TTC8: variants seen among roughly 807,000 people sequenced by gnomAD.
TTC8 encodes the protein tetratricopeptide repeat domain 8.
A neutral mutation model predicts 72.5 loss-of-function variants in TTC8; 47 were observed. The ratio of observed to expected loss-of-function variants is 0.65; its 90% CI spans 0.51 to 0.83. The LOEUF (loss-of-function observed/expected upper bound fraction) is 0.83, where lower values mean the gene tolerates loss of function less well. TTC8 is among the 40% of genes least tolerant of loss of function. The pLI is 0.00. For synonymous variants in TTC8, 199 were observed against 221.4 expected, an observed-to-expected ratio of 0.90 and a Z score of 0.90; for missense variants, 611 against 623.2, an observed-to-expected ratio of 0.98 and a Z score of 0.21.
rs1304915093 is a variant in TTC8, at chr14:88,872,362, C to T, written c.1257C>T (p.Cys419=). 1.2e-6 allele frequency: 2 copies of T among 1,613,850 alleles called. No individual in the cohort carries two copies. The highest frequency in any genetic ancestry group is 1.7e-6 in the Non-Finnish European group (2 of 1,179,924). Reference sequence around the variant, plus strand: ...GAGATACAAATTTGGCCCATCAGTGCTTCAGGCTGGCTCTGGTCAACAACA... The same window carrying T: ...GAGATACAAATTTGGCCCATCAGTGTTTCAGGCTGGCTCTGGTCAACAACA... ...GIGDTNLAHQ[C]FRLALVNNNN... is the part of the protein sequence containing the mutation. The change falls in exon 13 of 15, where the codon TGC becomes TGT. Residue 419 remains cysteine (C), a synonymous_variant. Transcript: ENST00000380656.
At chr14:88,859,782 C>T (rs535554193) in intron 9 of TTC8, among the ~76,000 whole-genome samples, 102 of 125,898 alleles carry the variant, frequency 8.1e-4, no homozygotes, top group Non-Finnish European at 1.5e-3. Context: ...ATATGAAATT[C>T]AATATATATT....
chr14:88,862,581 TATATATATATATATA>T (rs1320663606), intron 10 of TTC8, among the ~76,000 whole-genome samples: 1 of 74,748 alleles, frequency 1.3e-5, no homozygotes. Flanking sequence ...TATATATATA[TATATATATATATATA>T]TTTAGAGATG....
intron 11 of TTC8, 72 bp downstream of exon 11, chr14:88,870,270 G>T (rs1203769199): frequency 6.6e-7 from 1 of 1,525,154 alleles, no homozygotes; most frequent in Non-Finnish European, 9.1e-7. Flanking sequence ...AAGATGGAAT[G>T]AAAGTATAGA....
intron 10 of TTC8, among the ~76,000 whole-genome samples, chr14:88,866,414 C>CAT (rs60586870): frequency 1.3e-5 from 2 of 150,716 alleles, no homozygotes; most frequent in Non-Finnish European, 2.9e-5. Context: ...CACACACACA[C>CAT]GCACACACAA....
In TTC8 at chr14:88,871,740, A is replaced by T; in HGVS notation, c.1224+17A>T. ...GTAGCTGTGGTATGTTGTCTTACTGATATAATTTCTGTTATAGAAAGTTGG... is the reference window on the plus strand; with the variant it reads ...GTAGCTGTGGTATGTTGTCTTACTGTTATAATTTCTGTTATAGAAAGTTGG... On this transcript the variant is annotated intron_variant, in intron 12 of 14. Transcript: ENST00000380656. This position sits in a 1 kb window ranked among gnomAD's most constrained non-coding sequence, Gnocchi z 4.1. 1.2e-6 allele frequency: 2 copies of T among 1,613,940 alleles called. No individual in the cohort carries two copies. The highest frequency in any genetic ancestry group is 1.7e-6 in the Non-Finnish European group (2 of 1,179,884).
At chr14:88,831,531 G>A (rs896956238) in intron 1 of TTC8, among the ~76,000 whole-genome samples, 11 of 152,294 alleles carry the variant, frequency 7.2e-5, no homozygotes, top group African/African-American at 2.6e-4. Flanking sequence ...CCTGGGCTAA[G>A]CCCCAATTTT....
rs758744079 is a variant in TTC8 at position 88,824,688 on chromosome 14, C to T, written c.-20C>T. ...CCTCTCTCCTGGAGCGCTGGGCCTT[C>T]GCTGGCCGCACCGGCAGCCATGAGC... On this transcript the variant is annotated 5_prime_UTR_variant, in exon 1 of 15. Transcript: ENST00000380656. The T allele has an allele frequency of 6.3e-7, 1 of 1,579,320 alleles. No homozygotes were observed. Among genetic ancestry groups the T allele is most frequent in the Non-Finnish European group, 8.6e-7 (1 of 1,160,544 alleles).
At chr14:88,836,515 A>G (rs989431876) in intron 2 of TTC8, among the ~76,000 whole-genome samples, 1 of 150,266 alleles carries the variant, frequency 6.7e-6, no homozygotes, top group African/African-American at 2.5e-5. Context: ...AAAAGTTCCT[A>G]TTTGACTTTG....
chr14:88,874,639 A>G (rs1157572853), intron 13 of TTC8, among the ~76,000 whole-genome samples: 3 of 152,148 alleles, frequency 2.0e-5, no homozygotes, highest in Non-Finnish European at 4.4e-5. Flanking sequence ...CTGCTTAGTC[A>G]ATCAACAGCA....
chr14:88,856,441 C>T (rs2094856524), intron 8 of TTC8, among the ~76,000 whole-genome samples: 1 of 152,106 alleles, frequency 6.6e-6, no homozygotes, highest in Non-Finnish European at 1.5e-5. Flanking sequence ...CTGAGTAGCT[C>T]TCAGATAGCT....
intron 13 of TTC8, among the ~76,000 whole-genome samples, chr14:88,874,638 C>G (rs1445545190): frequency 6.6e-6 from 1 of 152,018 alleles, no homozygotes; most frequent in Non-Finnish European, 1.5e-5. Context: ...CCTGCTTAGT[C>G]AATCAACAGC....
chr14:88,830,923 T>C (rs1444402639), intron 1 of TTC8: 1 of 455,980 alleles, frequency 2.2e-6, no homozygotes, highest in East Asian at 6.9e-5. Context: ...CCTTGGTCTC[T>C]CCACATCCTA....
intron 6 of TTC8, among the ~76,000 whole-genome samples, chr14:88,841,881 G>T (rs189806173): frequency 6.6e-6 from 1 of 152,116 alleles, no homozygotes. Flanking sequence ...TTCTATCCTT[G>T]TAGGTTTTTT....
At chr14:88,831,883 T>C (rs1163672998) in intron 1 of TTC8, among the ~76,000 whole-genome samples, 1 of 152,184 alleles carries the variant, frequency 6.6e-6, no homozygotes, top group African/African-American at 2.4e-5. Context: ...TTCCATGTCT[T>C]CTGCTTTTCT....
chr14:88,872,195 T>G, intron 12 of TTC8, 135 bp from the exon 13 acceptor site: 2 of 1,311,404 alleles, frequency 1.5e-6, no homozygotes, highest in Non-Finnish European at 2.1e-6. Context: ...TCCACTTACG[T>G]AGAATTCACA....
chr14:88,867,822 A>T, intron 10 of TTC8, among the ~76,000 whole-genome samples: 1 of 152,182 alleles, frequency 6.6e-6, no homozygotes, highest in East Asian at 1.9e-4. Context: ...CCTTCTTTGC[A>T]TTGGGCGTTG....
chr14:88,834,037 A>G, intron 2 of TTC8: 1 of 375,120 alleles, frequency 2.7e-6, no homozygotes, highest in South Asian at 2.8e-5. Flanking sequence ...GGGCTTAGAA[A>G]GGGAGCGGGA....
chr14:88,857,390 T>C, intron 9 of TTC8, 113 bp downstream of exon 9: 1 of 929,226 alleles, frequency 1.1e-6, no homozygotes. Context: ...CAAGTTACTA[T>C]GTTTAGATTT....
intron 7 of TTC8, chr14:88,846,611 A>T (rs1429999900): frequency 2.1e-6 from 3 of 1,453,080 alleles, no homozygotes; most frequent in Non-Finnish European, 2.8e-6. Flanking sequence ...CATCTTGAAG[A>T]TGTAGTTCTA....
Sources: allele counts gnomAD v4.1 joint callset (sites outside exome capture counted in the v4.1 genomes callset), GRCh38; gene constraint gnomAD v4.1.1; non-coding constraint Gnocchi (gnomAD v3.1); transcripts MANE v1.5; gene names NCBI Gene and HGNC (gene_info 2026-07-23, HGNC 2026-07-21).